Variants in LAMC1 observed in about 807,000 individuals in gnomAD.
LAMC1 encodes the protein laminin subunit gamma 1.
In LAMC1, 38 loss-of-function variants were observed where a neutral mutation model predicts 173.6. The observed-to-expected ratio is 0.22, with a 90% CI of 0.17 to 0.29. LAMC1 has a LOEUF of 0.29. LAMC1 is among the 10% of genes least tolerant of loss of function. The pLI, the probability that LAMC1 is intolerant of heterozygous loss-of-function variation, is 1.00. For missense variants in LAMC1, 1,824 were observed against 2,051.8 expected (o/e 0.89, Z 2.14); for synonymous variants, 746 against 749.1 (o/e 1.00, Z 0.07).
intron 22 of LAMC1, 54 bp from the exon 23 acceptor site, chr1:183,134,606 T>A (rs1656886490): frequency 6.9e-7 from 1 of 1,448,072 alleles, no homozygotes; most frequent in Non-Finnish European, 9.5e-7. Flanking sequence ...GCCTACCTTT[T>A]CATTAGTTTA....
At position 183,124,740 on chromosome 1, in the gene LAMC1, T is replaced by A. The variant is rs20557; in HGVS notation, c.2511T>A (p.Asn837Lys). The A allele has an allele frequency of 6.2e-7, 1 of 1,613,920 alleles. No individual in the cohort carries two copies. Among genetic ancestry groups the A allele is most frequent in the Non-Finnish European group, 8.5e-7 (1 of 1,179,930 alleles). The change falls in exon 14 of 28, where the codon AAT (asparagine) becomes AAA (lysine). Residue 837 changes from asparagine to lysine, a missense_variant. Asn to Lys is a moderately conservative substitution (Grantham distance 94). Coordinates refer to ENST00000258341, the MANE Select transcript of LAMC1 (RefSeq NM_002293.4). ...LCQCSDNIDP[N>K]AVGNCNRLTG... ...AGTGCAGTGACAACATCGATCCCAA[T>A]GCAGTTGGAAATTGCAATCGCTTGA... is the stretch of plus-strand genomic sequence containing the variant.
Position 183,039,196 on chromosome 1 carries a change from C to T in LAMC1, c.418+15062C>T, listed in dbSNP as rs185185154. Among the ~76,000 whole-genome samples, 52 of 136,182 alleles carry T rather than the reference C, an allele frequency of 3.8e-4. 1 individual carries two copies. Among genetic ancestry groups the T allele is most frequent in the African/African-American group, 1.4e-3 (52 of 36,126 alleles). 89.3% of individuals were successfully genotyped at this position (136,182 alleles called of 152,430 possible). A position where few individuals can be genotyped will look rare whatever the true frequency, so the allele number is the denominator to read the frequency against. On this transcript the variant is annotated intron_variant, in intron 1 of 27. Transcript: ENST00000258341. ...CATGATCTGATAGAGCTGAGCATGCCGGAATTTTCATTGAAATTGTGTTCT... is the reference window on the plus strand; with the variant it reads ...CATGATCTGATAGAGCTGAGCATGCTGGAATTTTCATTGAAATTGTGTTCT...
At chr1:183,105,237 AAAAAAAAAAG>A (rs1353944315) in intron 2 of LAMC1, among the ~76,000 whole-genome samples, 4 of 147,516 alleles carry the variant, frequency 2.7e-5, no homozygotes, top group South Asian at 2.2e-4. Flanking sequence ...AAAAAAAAAA[AAAAAAAAAAG>A]AAAGAAAGAA....
rs1028575878 is a variant in LAMC1 at position 183,124,874 on chromosome 1, A to G, written c.2645A>G (p.Lys882Arg). ...PLAPNPADKC[K>R]ACNCNLYGTM... ...GCTCCCAATCCAGCAGACAAATGCA[A>G]AGGTAATCAGCCTTTGATCAGATTC... The change falls in exon 14 of 28, where the codon AAA becomes AGA. Residue 882 changes from lysine to arginine, a missense_variant and splice_region_variant. By Grantham distance (26) the Lys-to-Arg change is conservative (BLOSUM62 2). Coordinates refer to ENST00000258341, the MANE Select transcript of LAMC1 (RefSeq NM_002293.4). The G allele has an allele frequency of 3.1e-6, 5 of 1,613,826 alleles. No individual in the cohort carries two copies. In the African/African-American group the frequency reaches 5.3e-5, roughly 17 times the overall value.
At chr1:183,093,719 C>G (rs1408346533) in intron 1 of LAMC1, among the ~76,000 whole-genome samples, 2 of 152,164 alleles carry the variant, frequency 1.3e-5, no homozygotes, top group African/African-American at 2.4e-5. Flanking sequence ...CTTAGTATAT[C>G]TGAAACTGAA....
At chr1:183,075,751 C>G (rs533262806) in intron 1 of LAMC1, among the ~76,000 whole-genome samples, 11 of 152,130 alleles carry the variant, frequency 7.2e-5, no homozygotes, top group South Asian at 4.1e-4. Flanking sequence ...TTTACACTTT[C>G]TAGAGTTAGC....
At chr1:183,057,005 G>T (rs1305102892) in intron 1 of LAMC1, among the ~76,000 whole-genome samples, 1 of 152,182 alleles carries the variant, frequency 6.6e-6, no homozygotes, top group African/African-American at 2.4e-5. Flanking sequence ...AGCATCTCCT[G>T]TGTGCAAAGC....
At chr1:183,095,366 A>G (rs554929995) in intron 1 of LAMC1, among the ~76,000 whole-genome samples, 1 of 152,274 alleles carries the variant, frequency 6.6e-6, no homozygotes, top group Non-Finnish European at 1.5e-5. Flanking sequence ...CTCTTCTGTT[A>G]TAGATAAAAG....
intron 3 of LAMC1, 90 bp downstream of exon 3, chr1:183,108,496 G>A (rs986269861): frequency 8.3e-5 from 94 of 1,138,448 alleles, no homozygotes; most frequent in Middle Eastern, 2.2e-4. Flanking sequence ...TGTTAATACC[G>A]TTGTTAGATG....
intron 1 of LAMC1, among the ~76,000 whole-genome samples, chr1:183,100,157 C>G (rs1480044636): frequency 6.6e-6 from 1 of 152,150 alleles, no homozygotes; most frequent in Non-Finnish European, 1.5e-5. Flanking sequence ...AAAACGGCTT[C>G]CTACACCTCA....
At chr1:183,043,280 C>T (rs905445989) in intron 1 of LAMC1, among the ~76,000 whole-genome samples, 9 of 151,950 alleles carry the variant, frequency 5.9e-5, no homozygotes, top group African/African-American at 2.2e-4. Context: ...TGTATTCGTA[C>T]GAAACAGACT....
chr1:183,060,693 A>C (rs181940628), intron 1 of LAMC1, among the ~76,000 whole-genome samples: 1 of 152,336 alleles, frequency 6.6e-6, no homozygotes, highest in East Asian at 1.9e-4. Flanking sequence ...TATTCTTAGC[A>C]CTAAGTTGAT....
rs183992911 is a variant in LAMC1 at position 183,056,029 on chromosome 1, T to C, written c.418+31895T>C. On this transcript the variant is annotated intron_variant, in intron 1 of 27. Coordinates refer to ENST00000258341, the MANE Select transcript of LAMC1 (RefSeq NM_002293.4). Reference sequence around the variant, plus strand: ...ATCAAGTGGCATTTTTATATTTTTATATTTCAGTCCTCTTTCTTTAGTAAA... The same window carrying C: ...ATCAAGTGGCATTTTTATATTTTTACATTTCAGTCCTCTTTCTTTAGTAAA... 3.8e-3 allele frequency among the ~76,000 whole-genome samples: 585 copies of C among 152,328 alleles called. 3 individuals carry two copies. The highest frequency in any genetic ancestry group is 6.7e-3 in the Non-Finnish European group (455 of 68,016).
intron 2 of LAMC1, among the ~76,000 whole-genome samples, chr1:183,103,974 T>TTG (rs3835741): frequency 0.52 from 78,445 of 151,942 alleles, 20,925 homozygotes; most frequent in South Asian, 0.65. Flanking sequence ...AAGAGAACAT[T>TTG]TGACCTAATT....
chr1:183,029,784 G>C (rs772198893), intron 1 of LAMC1, among the ~76,000 whole-genome samples: 2 of 152,200 alleles, frequency 1.3e-5, no homozygotes, highest in Non-Finnish European at 2.9e-5. Context: ...TGAAGGACGA[G>C]TCAGGGGTTT....
Position 183,103,318 on chromosome 1 carries a change from T to C in LAMC1, c.419-10T>C. The C allele has an allele frequency of 6.2e-7, 1 of 1,610,342 alleles. No homozygotes were observed. The highest frequency in any genetic ancestry group is 8.5e-7 in the Non-Finnish European group (1 of 1,177,948). ...TATGATTTATGACCTTTGATGTGTT[T>C]GTCCCACAGGAAAAGCTTTTGACAT... On this transcript the variant is annotated splice_polypyrimidine_tract_variant and intron_variant, in intron 1 of 27. Transcript: ENST00000258341.
intron 27 of LAMC1, among the ~76,000 whole-genome samples, 173 bp from the exon 28 acceptor site, chr1:183,142,361 T>G (rs1237746258): frequency 6.6e-6 from 1 of 152,238 alleles, no homozygotes; most frequent in African/African-American, 2.4e-5. Context: ...GCATTTGTAC[T>G]TGGTTTGCAT....
At chr1:183,096,453 C>T (rs1368086320) in intron 1 of LAMC1, 1 of 152,176 alleles carries the variant, frequency 6.6e-6, no homozygotes, top group African/African-American at 2.4e-5. Flanking sequence ...ACTGTGGCAA[C>T]ATAGAATTGA....
chr1:183,065,189 G>T (rs767629931), intron 1 of LAMC1, among the ~76,000 whole-genome samples: 6 of 152,114 alleles, frequency 3.9e-5, no homozygotes, highest in Non-Finnish European at 7.3e-5. Context: ...TAAAAATACG[G>T]TACTATAATT....
Sources: allele counts gnomAD v4.1 joint callset (sites outside exome capture counted in the v4.1 genomes callset), GRCh38; gene constraint gnomAD v4.1.1; transcripts MANE v1.5; gene names NCBI Gene and HGNC (gene_info 2026-07-23, HGNC 2026-07-21).